INSR: variants seen among roughly 807,000 people sequenced by gnomAD.
INSR encodes the protein insulin receptor.
In INSR, 67 loss-of-function variants were observed where a neutral mutation model predicts 142.6. The ratio of observed to expected loss-of-function variants is 0.47; its 90% CI spans 0.39 to 0.58. The LOEUF is 0.58. Among genes scored for constraint, INSR ranks in the 20% least tolerant of loss-of-function variants. The pLI is 0.00. For missense variants in INSR, 1,248 were observed against 1,833.2 expected, an observed-to-expected ratio of 0.68 and a Z score of 5.83; for synonymous variants, 756 against 743.1, an observed-to-expected ratio of 1.02 and a Z score of -0.28.
chr19:7,213,236 T>A (rs1272089030), intron 2 of INSR, among the ~76,000 whole-genome samples: 1 of 150,074 alleles, frequency 6.7e-6, no homozygotes, highest in African/African-American at 2.5e-5. Flanking sequence ...CCCAGCTACT[T>A]GGCAGGCTGA....
chr19:7,257,984 A>T (rs1021074157), intron 2 of INSR, among the ~76,000 whole-genome samples: 1 of 152,152 alleles, frequency 6.6e-6, no homozygotes, highest in Non-Finnish European at 1.5e-5. Context: ...CACCACGCTC[A>T]GCTAATGTTT....
Position 7,207,946 on chromosome 19 carries a change from G to GAAGGAAGGA in INSR, c.653-23310_653-23309insTCCTTCCTT, listed in dbSNP as rs879609931. On this transcript the variant is annotated intron_variant, in intron 2 of 21. Transcript: ENST00000302850. ...GAAGGAAGGAAGGAAGGAAGGGAAG[G>GAAGGAAGGA]AGGGAGGGAGGGAGGGAGGGAGGCA... Among the ~76,000 whole-genome samples, 25 of 54,952 alleles carry GAAGGAAGGA rather than the reference G, an allele frequency of 4.5e-4. No homozygotes were observed. In the East Asian group the frequency reaches 0.016, roughly 35 times the overall value. The allele number at this position is 54,952 out of a possible 152,430, so 36.1% of individuals were successfully genotyped here. A position where few individuals can be genotyped will look rare whatever the true frequency, so the allele number is the denominator to read the frequency against.
At chr19:7,196,061 G>A (rs567321396) in intron 2 of INSR, among the ~76,000 whole-genome samples, 2 of 151,500 alleles carry the variant, frequency 1.3e-5, no homozygotes, top group East Asian at 1.9e-4. Context: ...TCAGCCTCCC[G>A]AGTAGCTGGG....
rs1011783588 is a variant in INSR at position 7,150,547 on chromosome 19, C to T, written c.2232-15G>A. 6.2e-7 allele frequency: 1 copy of T among 1,614,016 alleles called. No homozygotes were observed. Among genetic ancestry groups the T allele is most frequent in the Admixed American group, 1.7e-5 (1 of 60,010 alleles). On this transcript the variant is annotated splice_polypyrimidine_tract_variant and intron_variant, in intron 10 of 21. Coordinates refer to ENST00000302850, the MANE Select transcript of INSR (RefSeq NM_000208.4). The surrounding 1 kb of genome is among the most constrained non-coding windows in gnomAD (Gnocchi z 4.2). ...AAGAGGTTTTTCTGTGGAAACAAAACCAACGCCTTTGAGGACAGAGGGAAC... is the reference window on the plus strand; with the variant it reads ...AAGAGGTTTTTCTGTGGAAACAAAATCAACGCCTTTGAGGACAGAGGGAAC...
chr19:7,113,099 C>G lies in INSR; in HGVS notation c.*3957G>C, dbSNP rs1470976358. On this transcript the variant is annotated 3_prime_UTR_variant, in exon 22 of 22. Transcript: ENST00000302850. ...ACATTTAACCCTAAACTTCCACCCA[C>G]TGTGAAGGAGAGAAATGATTAGCAC... The G allele has an allele frequency of 1.3e-5, 2 of 152,212 alleles. No individual in the cohort carries two copies. Among genetic ancestry groups the G allele is most frequent in the African/African-American group, 4.8e-5 (2 of 41,446 alleles). 9.4% of individuals were successfully genotyped at this position (152,212 alleles called of 1,614,324 possible).
chr19:7,267,203 C>G lies in INSR; in HGVS notation c.652+142G>C. The G allele has an allele frequency of 1.2e-6, 1 of 834,502 alleles. No individual in the cohort carries two copies. The highest frequency in any genetic ancestry group is 2.0e-6 in the Non-Finnish European group (1 of 504,098). 51.7% of individuals were successfully genotyped at this position (834,502 alleles called of 1,614,324 possible). The stretch of plus-strand genomic sequence containing the variant: ...GAGTCTTTACAGAAAATGTCTGCCA[C>G]TCCCTGGGCTAGTGAATGCCACCAC... On this transcript the variant is annotated intron_variant, in intron 2 of 21. Coordinates refer to ENST00000302850, the MANE Select transcript of INSR (RefSeq NM_000208.4). The surrounding 1 kb of genome is among the most constrained non-coding windows in gnomAD (Gnocchi z 6.3).
At chr19:7,221,484 G>A (rs938098842) in intron 2 of INSR, among the ~76,000 whole-genome samples, 3 of 152,048 alleles carry the variant, frequency 2.0e-5, no homozygotes, top group Non-Finnish European at 4.4e-5. Context: ...GAGGCGGGCG[G>A]ATCACCTGAG....
rs996742567 is a variant in INSR, at chr19:7,112,337, A to C, written c.*4719T>G. On this transcript the variant is annotated 3_prime_UTR_variant, in exon 22 of 22. Coordinates refer to ENST00000302850, the MANE Select transcript of INSR (RefSeq NM_000208.4). ...ACATGCAGAACGATTTCAATATTCC[A>C]AAAAAAAAGGCGTCTTCTGTACATG... is the stretch of plus-strand genomic sequence containing the variant. The C allele has an allele frequency of 7.3e-5, 11 of 149,800 alleles. No homozygotes were observed. The highest frequency in any genetic ancestry group is 2.7e-4 in the African/African-American group (11 of 40,282). 9.3% of individuals were successfully genotyped at this position (149,800 alleles called of 1,614,324 possible). A position where few individuals can be genotyped will look rare whatever the true frequency, so the allele number is the denominator to read the frequency against.
At chr19:7,285,310 G>A (rs1374794789) in intron 1 of INSR, among the ~76,000 whole-genome samples, 2 of 151,976 alleles carry the variant, frequency 1.3e-5, no homozygotes, top group Non-Finnish European at 2.9e-5. Flanking sequence ...AAACTAGCCG[G>A]GCATGGTGGC....
chr19:7,130,834 C>T (rs1972759371), intron 14 of INSR, among the ~76,000 whole-genome samples: 1 of 151,008 alleles, frequency 6.6e-6, no homozygotes, highest in Non-Finnish European at 1.5e-5. Context: ...CTCTTTCTTT[C>T]CTTTTCTTTC....
intron 9 of INSR, 126 bp from the exon 10 acceptor site, chr19:7,153,053 CCACA>C (rs373172538): frequency 4.1e-5 from 17 of 411,344 alleles, no homozygotes; most frequent in African/African-American, 4.5e-5. Context: ...ACACACCCCC[CCACA>C]CACACACACC....
At chr19:7,241,586 C>T (rs1048306346) in intron 2 of INSR, among the ~76,000 whole-genome samples, 6 of 152,052 alleles carry the variant, frequency 3.9e-5, no homozygotes, top group Non-Finnish European at 8.8e-5. Context: ...CGTGCCAGTG[C>T]ACTCCAGCCT....
chr19:7,288,897 A>T (rs910162098), intron 1 of INSR, among the ~76,000 whole-genome samples: 32 of 139,688 alleles, frequency 2.3e-4, no homozygotes, highest in Non-Finnish European at 9.2e-5. Context: ...CAGGAGACGG[A>T]GGTTGTAGTG....
intron 21 of INSR, among the ~76,000 whole-genome samples, chr19:7,118,086 GA>G (rs1283184351): frequency 6.6e-6 from 1 of 151,654 alleles, no homozygotes; most frequent in Non-Finnish European, 1.5e-5. Flanking sequence ...AGATGGTTTT[GA>G]AAAGGGATTC....
chr19:7,257,383 C>T lies in INSR; in HGVS notation c.652+9962G>A, dbSNP rs1294872917. Reference sequence around the variant, plus strand: ...GTTATCTAGAGAACATCATGATTTCCAGGTGCTCTGCTCCAAACACGTCTA... The same window carrying T: ...GTTATCTAGAGAACATCATGATTTCTAGGTGCTCTGCTCCAAACACGTCTA... On this transcript the variant is annotated intron_variant, in intron 2 of 21. Coordinates refer to ENST00000302850, the MANE Select transcript of INSR (RefSeq NM_000208.4). Among the ~76,000 whole-genome samples, 3 of 151,790 alleles carry T rather than the reference C, an allele frequency of 2.0e-5. No homozygotes were observed. The East Asian group carries it at 5.8e-4, about 29-fold the overall frequency.
At chr19:7,233,669 T>TGGATACAGGGGGATTCC (rs1491106395) in intron 2 of INSR, among the ~76,000 whole-genome samples, 5 of 864 alleles carry the variant, frequency 5.8e-3, no homozygotes, top group African/African-American at 0.016. Flanking sequence ...TTTTTCTGTC[T>TGGATACAGGGGGATTCC]TTTTTTTTTT....
At chr19:7,154,996 T>C (rs1973553158) in intron 9 of INSR, among the ~76,000 whole-genome samples, 1 of 152,168 alleles carries the variant, frequency 6.6e-6, no homozygotes, top group Non-Finnish European at 1.5e-5. Flanking sequence ...ACAATGCTTC[T>C]GTCTTCAGTG....
intron 2 of INSR, among the ~76,000 whole-genome samples, chr19:7,244,575 C>T (rs1193057701): frequency 4.0e-5 from 6 of 151,638 alleles, no homozygotes; most frequent in African/African-American, 1.5e-4. Context: ...AAGGAGATCC[C>T]ATACCTGCCC....
At position 7,115,120 on chromosome 19, in the gene INSR, G is replaced by C. The variant is rs572228837; in HGVS notation, c.*1936C>G. The C allele has an allele frequency of 1.3e-5, 2 of 152,310 alleles. No homozygotes were observed. Among genetic ancestry groups the C allele is most frequent in the Non-Finnish European group, 2.9e-5 (2 of 68,026 alleles). The allele number at this position is 152,310 out of a possible 1,614,324, so 9.4% of individuals were successfully genotyped here. Reference sequence around the variant, plus strand: ...TCTTAATCAAGAATTGAGAGGGCTTGGAGGTTGCCATTATGACTCTATCCC... The same window carrying C: ...TCTTAATCAAGAATTGAGAGGGCTTCGAGGTTGCCATTATGACTCTATCCC... On this transcript the variant is annotated 3_prime_UTR_variant, in exon 22 of 22. Transcript: ENST00000302850.
Sources: gnomAD v4.1 joint callset for allele counts (sites outside exome capture counted in the v4.1 genomes callset) on GRCh38, gnomAD v4.1.1 for gene constraint, Gnocchi (gnomAD v3.1) non-coding constraint, MANE v1.5 for transcripts, NCBI Gene and HGNC (gene_info 2026-07-23, HGNC 2026-07-21) for gene names.